Variants in ADAM12 observed in about 807,000 individuals in gnomAD.
ADAM12 encodes the protein ADAM metallopeptidase domain 12.
Under a neutral mutation model 106.4 loss-of-function variants are expected in ADAM12, and 70 were observed. That is an observed-to-expected ratio of 0.66 (90% CI 0.54 to 0.80). The LOEUF (loss-of-function observed/expected upper bound fraction) is 0.80, where lower values mean the gene tolerates loss of function less well. Among genes scored for constraint, ADAM12 ranks in the 30% least tolerant of loss-of-function variants. The probability of loss-of-function intolerance (pLI) is 0.00; values close to 1 mark genes in which losing one functional copy is unlikely to be tolerated. For missense variants in ADAM12, 1,010 were observed against 1,171.9 expected (o/e 0.86, Z 2.02); for synonymous variants, 420 against 433.5 (o/e 0.97, Z 0.39).
chr10:126,218,699 A>T (rs1485484055), intron 3 of ADAM12, among the ~76,000 whole-genome samples: 1 of 152,168 alleles, frequency 6.6e-6, no homozygotes. Flanking sequence ...TATTTGCTTT[A>T]TCCATGTTCA....
chr10:126,268,957 A>T (rs1177976461), intron 3 of ADAM12, among the ~76,000 whole-genome samples: 18 of 152,192 alleles, frequency 1.2e-4, no homozygotes, highest in Admixed American at 1.2e-3. Context: ...GTTTATTAAG[A>T]AAGTAAAGGA....
intron 3 of ADAM12, among the ~76,000 whole-genome samples, chr10:126,218,908 C>A (rs1177921781): frequency 6.6e-6 from 1 of 152,228 alleles, no homozygotes; most frequent in East Asian, 1.9e-4. Context: ...GCCAATGCCT[C>A]CCTCCCATCA....
intron 2 of ADAM12, among the ~76,000 whole-genome samples, chr10:126,319,381 T>C (rs992557458): frequency 1.4e-4 from 22 of 152,110 alleles, no homozygotes; most frequent in African/African-American, 3.4e-4. Context: ...ATAAGACATA[T>C]GCACAGTATG....
chr10:126,275,914 A>G (rs1322093672), intron 3 of ADAM12, among the ~76,000 whole-genome samples: 2 of 152,252 alleles, frequency 1.3e-5, no homozygotes, highest in African/African-American at 4.8e-5. Context: ...CTACTCAGAG[A>G]TACATGTCAT....
chr10:126,188,985 A>ACCAC (rs1449092046), intron 3 of ADAM12, among the ~76,000 whole-genome samples: 1 of 151,932 alleles, frequency 6.6e-6, no homozygotes, highest in East Asian at 1.9e-4. Flanking sequence ...CTATCCATTC[A>ACCAC]CCATCCATCC....
In ADAM12 at chr10:126,067,141, A is replaced by C. The variant is rs1198099103; in HGVS notation, c.1324-335T>G. ...GGGGTGTCCAGGCGGATCTCATTGCAGTGGACTGCATCAGGATCCCTGGAG... is the reference window on the plus strand; with the variant it reads ...GGGGTGTCCAGGCGGATCTCATTGCCGTGGACTGCATCAGGATCCCTGGAG... On this transcript the variant is annotated intron_variant, in intron 12 of 22. Transcript: ENST00000448723. 1.7e-5 allele frequency: 5 copies of C among 287,658 alleles called. No homozygotes were observed. In the East Asian group the frequency reaches 3.3e-4, roughly 19 times the overall value. 17.8% of individuals were successfully genotyped at this position (287,658 alleles called of 1,614,324 possible). A position where few individuals can be genotyped will look rare whatever the true frequency, so the allele number is the denominator to read the frequency against.
rs186413485 is a variant in ADAM12, at chr10:126,312,093, C to T, written c.186+18319G>A. On this transcript the variant is annotated intron_variant, in intron 2 of 22. Transcript: ENST00000448723. ...AGCATCATAACTGAACTGTAGGACA[C>T]CCAACTGGTGTCCAAAGTTGGAGAA... Among the ~76,000 whole-genome samples, 341 of 148,478 alleles carry T rather than the reference C, an allele frequency of 2.3e-3. 3 individuals are homozygous for T. Among genetic ancestry groups the T allele is most frequent in the African/African-American group, 8.2e-3 (326 of 39,936 alleles).
chr10:126,354,034 C>CT (rs34474316), intron 1 of ADAM12, among the ~76,000 whole-genome samples: 42,224 of 144,762 alleles, frequency 0.29, 6,017 homozygotes, highest in Middle Eastern at 0.34. Flanking sequence ...TGTTAACAAG[C>CT]TTTTTTTTTT....
chr10:126,362,102 C>T (rs528010269), intron 1 of ADAM12, among the ~76,000 whole-genome samples: 1 of 152,044 alleles, frequency 6.6e-6, no homozygotes, highest in African/African-American at 2.4e-5. Flanking sequence ...AAACTATTAG[C>T]CTGATTTTAA....
intron 1 of ADAM12, among the ~76,000 whole-genome samples, chr10:126,338,467 T>C (rs1033620859): frequency 4.0e-5 from 6 of 151,836 alleles, no homozygotes; most frequent in African/African-American, 1.2e-4. Flanking sequence ...TTAGCCGGGA[T>C]GGTCTCGATC....
In ADAM12 at chr10:126,020,453, C is replaced by T. The variant is rs150815019; in HGVS notation, c.2530-628G>A. Among the ~76,000 whole-genome samples the T allele has an allele frequency of 7.6e-3, 1,164 of 152,190 alleles. 13 individuals are homozygous for T. Among genetic ancestry groups the T allele is most frequent in the African/African-American group, 0.026 (1,098 of 41,532 alleles). ...GGGGCAGGGCTGTGTTGACCAGAAGCCAGTGTGAGGGAGCTGGCCAGGGAA... is the reference window on the plus strand; with the variant it reads ...GGGGCAGGGCTGTGTTGACCAGAAGTCAGTGTGAGGGAGCTGGCCAGGGAA... On this transcript the variant is annotated intron_variant, in intron 21 of 22. Coordinates refer to ENST00000448723, the MANE Select transcript of ADAM12 (RefSeq NM_001288973.2).
chr10:126,092,321 C>A (rs1184148191), intron 11 of ADAM12, among the ~76,000 whole-genome samples: 1 of 152,196 alleles, frequency 6.6e-6, no homozygotes, highest in Admixed American at 6.5e-5. Flanking sequence ...GCACATCAGT[C>A]TCCTGCCAAA....
chr10:126,094,024 G>T lies in ADAM12; in HGVS notation c.1106C>A (p.Ala369Glu). ...CATGATGCAGCCTCCTTTCTCAACC[G>T]CCATTTGACAGCTACAGCCCCTGTC... ...TLDRGCSCQM[A>E]VEKGGCIMNA... The change falls in exon 11 of 23, where the codon GCG becomes GAG. Residue 369 changes from alanine (A) to glutamate (E), a missense_variant. By Grantham distance (107) the Ala-to-Glu change is moderately radical (BLOSUM62 -1). Coordinates refer to ENST00000448723, the MANE Select transcript of ADAM12 (RefSeq NM_001288973.2). 6.2e-7 allele frequency: 1 copy of T among 1,614,110 alleles called. No homozygotes were observed. Among genetic ancestry groups the T allele is most frequent in the Non-Finnish European group, 8.5e-7 (1 of 1,180,022 alleles).
chr10:126,174,956 C>T (rs1957192048), intron 3 of ADAM12, among the ~76,000 whole-genome samples: 1 of 152,068 alleles, frequency 6.6e-6, no homozygotes, highest in South Asian at 2.1e-4. Context: ...CGGGGTTTCA[C>T]TGTGTTAGCC....
rs1171122984 is a variant in ADAM12 at position 126,197,567 on chromosome 10, G to A, written c.261-42262C>T. On this transcript the variant is annotated intron_variant, in intron 3 of 22. Coordinates refer to ENST00000448723, the MANE Select transcript of ADAM12 (RefSeq NM_001288973.2). ...AGAGGAGCAGCACAAAGATGGAATG[G>A]AAGTCAGGGAATTTCTCATTGCTGG... Among the ~76,000 whole-genome samples, 3 of 152,240 alleles carry A rather than the reference G, an allele frequency of 2.0e-5. 1 individual carries two copies. Among genetic ancestry groups the A allele is most frequent in the Non-Finnish European group, 4.4e-5 (3 of 68,054 alleles).
In ADAM12 at chr10:126,117,910, C is replaced by G; in HGVS notation, c.603+128G>C. On this transcript the variant is annotated intron_variant, in intron 6 of 22. Transcript: ENST00000448723. ...ATAATGTCTACCACCTCCAGATAAA[C>G]TGGGCACTTCCATCCCCCAGATGCC... is the stretch of plus-strand genomic sequence containing the variant. 2.9e-6 allele frequency: 3 copies of G among 1,037,836 alleles called. No homozygotes were observed. The South Asian group carries it at 4.5e-5, about 16-fold the overall frequency. 64.3% of individuals were successfully genotyped at this position (1,037,836 alleles called of 1,614,324 possible).
intron 12 of ADAM12, among the ~76,000 whole-genome samples, chr10:126,069,686 GT>G (rs1339804017): frequency 6.6e-6 from 1 of 152,230 alleles, no homozygotes; most frequent in Non-Finnish European, 1.5e-5. Flanking sequence ...TGGTAGCGAT[GT>G]GGATACTGGT....
intron 4 of ADAM12, among the ~76,000 whole-genome samples, chr10:126,139,980 T>A (rs1211356303): frequency 3.3e-5 from 5 of 152,216 alleles, no homozygotes; most frequent in African/African-American, 4.8e-5. Context: ...CATAATGCTC[T>A]GGGGCATCAG....
chr10:126,118,245 A>G, intron 5 of ADAM12, 21 bp from the exon 6 acceptor site: 4 of 1,575,740 alleles, frequency 2.5e-6, no homozygotes, highest in East Asian at 2.3e-5. Flanking sequence ...AGAAACAAGA[A>G]AAAATATATA....
Sources: allele counts gnomAD v4.1 joint callset (sites outside exome capture counted in the v4.1 genomes callset), GRCh38; gene constraint gnomAD v4.1.1; transcripts MANE v1.5; gene names NCBI Gene and HGNC (gene_info 2026-07-23, HGNC 2026-07-21).